Variants in GJA1 observed in about 807,000 individuals in gnomAD.
The protein encoded by GJA1 is gap junction protein alpha 1, also known as gap junction alpha-1 protein.
A neutral mutation model predicts 31.0 loss-of-function variants in GJA1; 9 were observed. The observed-to-expected ratio is 0.29, with a 90% CI of 0.17 to 0.51. The LOEUF is 0.51. Ranked by LOEUF, GJA1 falls within the 20% of genes least tolerant of loss-of-function variation. The pLI, the probability that GJA1 is intolerant of heterozygous loss-of-function variation, is 0.98. For synonymous variants in GJA1, 186 were observed against 180.1 expected, an observed-to-expected ratio of 1.03 and a Z score of -0.26; for missense variants, 278 against 468.8, an observed-to-expected ratio of 0.59 and a Z score of 3.76.
intron 1 of GJA1, among the ~76,000 whole-genome samples, chr6:121,440,645 CTTT>C (rs538330262): frequency 2.9e-5 from 4 of 137,368 alleles, no homozygotes; most frequent in South Asian, 2.4e-4. Flanking sequence ...AAAAAACAAA[CTTT>C]TTTTTTTTTT....
chr6:121,445,920 C>CA (rs1773881998), intron 1 of GJA1, among the ~76,000 whole-genome samples: 4 of 151,936 alleles, frequency 2.6e-5, no homozygotes, highest in African/African-American at 7.3e-5. Context: ...ATAGTGAAAT[C>CA]CTATCTCTAA....
Position 121,447,814 on chromosome 6 carries a change from G to A in GJA1, c.967G>A (p.Ala323Thr). 1 of 1,613,862 alleles carries A rather than the reference G, an allele frequency of 6.2e-7. No individual in the cohort carries two copies. Among genetic ancestry groups the A allele is most frequent in the Non-Finnish European group, 8.5e-7 (1 of 1,179,882 alleles). Residue 323 changes from alanine (A) to threonine (T), a missense_variant, in exon 2 of 2, where the codon GCG becomes ACG. Physicochemically the swap from Ala to Thr is moderately conservative, Grantham distance 58. This residue lies in a region of GJA1 where 172 missense variants were observed against 190.9 expected (regional missense o/e 0.90). Coordinates refer to ENST00000282561, the MANE Select transcript of GJA1 (RefSeq NM_000165.5). The part of the protein sequence containing the change: ...YSAEQNRMGQ[A>T]GSTISNSHAQ... The stretch of plus-strand genomic sequence containing the variant: ...TGCAGAACAAAATCGAATGGGGCAG[G>A]CGGGAAGCACCATCTCTAACTCCCA...
Position 121,447,551 on chromosome 6 carries a change from G to A in GJA1, c.704G>A (p.Gly235Asp), listed in dbSNP as rs1228798443. 6.2e-7 allele frequency: 1 copy of A among 1,613,924 alleles called. No individual in the cohort carries two copies. Residue 235 changes from glycine (G) to aspartate (D), a missense_variant, in exon 2 of 2, where the codon GGC (glycine) becomes GAC (aspartate). By Grantham distance (94) the Gly-to-Asp change is moderately conservative. Around this residue, in one of 3 missense-constraint regions of GJA1, gnomAD observed 172 missense variants for 190.9 expected, o/e 0.90. Coordinates refer to ENST00000282561, the MANE Select transcript of GJA1 (RefSeq NM_000165.5). The stretch of plus-strand genomic sequence containing the variant: ...GAACTCTTCTATGTTTTCTTCAAGG[G>A]CGTTAAGGATCGGGTTAAGGGAAAG... ...IIELFYVFFK[G>D]VKDRVKGKSD...
Position 121,448,584 on chromosome 6 carries a change from A to G in GJA1, c.*588A>G, listed in dbSNP as rs1438438900. The G allele has an allele frequency of 5.9e-6, 1 of 170,620 alleles. No homozygotes were observed. The highest frequency in any genetic ancestry group is 1.4e-5 in the Non-Finnish European group (1 of 70,200). The allele number at this position is 170,620 out of a possible 1,614,324, so 10.6% of individuals were successfully genotyped here. ...TTTTTATTCTTGGTATCAGTTTAAA[A>G]TTCAGACAAGGCCCACAGAATAAGA... is the stretch of plus-strand genomic sequence containing the variant. On this transcript the variant is annotated 3_prime_UTR_variant, in exon 2 of 2. Transcript: ENST00000282561.
intron 1 of GJA1, among the ~76,000 whole-genome samples, chr6:121,440,157 G>A (rs1028195799): frequency 6.6e-6 from 1 of 151,816 alleles, no homozygotes; most frequent in African/African-American, 2.4e-5. Context: ...GGTGCAATCG[G>A]AGTTAGAACA....
Position 121,447,742 on chromosome 6 carries a change from C to T in GJA1, c.895C>T (p.Arg299Cys), listed in dbSNP as rs748954821. 50 of 1,613,852 alleles carry T rather than the reference C, an allele frequency of 3.1e-5. No homozygotes were observed. The highest frequency in any genetic ancestry group is 1.6e-4 in the Middle Eastern group (1 of 6,084). The change falls in exon 2 of 2, where the codon CGC (arginine) becomes TGC (cysteine). Residue 299 changes from arginine (R) to cysteine (C), a missense_variant. Coordinates refer to ENST00000282561, the MANE Select transcript of GJA1 (RefSeq NM_000165.5). ...TGGCGACAGAAACAATTCTTCTTGCCGCAATTACAACAAGCAAGCAAGTGA... is the reference window on the plus strand; with the variant it reads ...TGGCGACAGAAACAATTCTTCTTGCTGCAATTACAACAAGCAAGCAAGTGA... Reference protein sequence around the residue: ...VTGDRNNSSCRNYNKQASEQN... With the variant: ...VTGDRNNSSCCNYNKQASEQN...
chr6:121,440,988 G>GCTGGAGTGCAGTGGC (rs1329818124), intron 1 of GJA1, among the ~76,000 whole-genome samples: 2 of 151,408 alleles, frequency 1.3e-5, no homozygotes, highest in East Asian at 3.9e-4. Flanking sequence ...TGTCGCCCAG[G>GCTGGAGTGCAGTGGC]CTGGAGTGCA....
intron 1 of GJA1, 94 bp from the exon 2 acceptor site, chr6:121,446,738 T>C: frequency 1.2e-6 from 1 of 853,078 alleles, no homozygotes; most frequent in Non-Finnish European, 2.0e-6. Context: ...CGTGAAACCG[T>C]TGGTAGTATT....
chr6:121,435,985 TTAAAA>T (rs1190158094), intron 1 of GJA1, among the ~76,000 whole-genome samples, 153 bp downstream of exon 1: 1 of 152,166 alleles, frequency 6.6e-6, no homozygotes, highest in Non-Finnish European at 1.5e-5. Context: ...AGTTTTAAAG[TTAAAA>T]TTTATTGTAC....
At chr6:121,439,022 G>T (rs1773718596) in intron 1 of GJA1, among the ~76,000 whole-genome samples, 1 of 151,924 alleles carries the variant, frequency 6.6e-6, no homozygotes, top group Admixed American at 6.6e-5. Context: ...CGTCAGCTGG[G>T]CATGATGGCT....
Position 121,448,029 on chromosome 6 carries a change from A to G in GJA1, c.*33A>G, listed in dbSNP as rs1221138083. 1.3e-6 allele frequency: 2 copies of G among 1,570,336 alleles called. No individual in the cohort carries two copies. The highest frequency in any genetic ancestry group is 1.3e-5 in the African/African-American group (1 of 74,240). ...CTTGAAAGCATCAAGATTCCACTCAATTGTGGAGAAGAAAAAAGGTGCTGT... is the reference window on the plus strand; with the variant it reads ...CTTGAAAGCATCAAGATTCCACTCAGTTGTGGAGAAGAAAAAAGGTGCTGT... On this transcript the variant is annotated 3_prime_UTR_variant, in exon 2 of 2. Transcript: ENST00000282561.
chr6:121,439,323 GAA>G (rs1184461402), intron 1 of GJA1, among the ~76,000 whole-genome samples: 1 of 152,026 alleles, frequency 6.6e-6, no homozygotes, highest in Non-Finnish European at 1.5e-5. Flanking sequence ...AATTCTCATT[GAA>G]AAAAATAGAC....
rs1172512044 is a variant in GJA1 at position 121,447,902 on chromosome 6, A to T, written c.1055A>T (p.Glu352Val). The change falls in exon 2 of 2, where the codon GAA (glutamate) becomes GTA (valine). Residue 352 changes from glutamate to valine, a missense_variant. By Grantham distance (121) the Glu-to-Val change is moderately radical. Coordinates refer to ENST00000282561, the MANE Select transcript of GJA1 (RefSeq NM_000165.5). ...QNSKKLAAGH[E>V]LQPLAIVDQR... The stretch of plus-strand genomic sequence containing the variant: ...TCTAAAAAACTAGCTGCTGGACATG[A>T]ATTACAGCCACTAGCCATTGTGGAC... 6.8e-6 allele frequency: 11 copies of T among 1,613,770 alleles called. No individual in the cohort carries two copies. The highest frequency in any genetic ancestry group is 9.3e-6 in the Non-Finnish European group (11 of 1,179,854).
At chr6:121,443,705 C>T (rs2114278456) in intron 1 of GJA1, among the ~76,000 whole-genome samples, 1 of 152,276 alleles carries the variant, frequency 6.6e-6, no homozygotes, top group East Asian at 1.9e-4. Flanking sequence ...TCTACACAAT[C>T]ATATTTTACT....
At chr6:121,443,535 T>C (rs188335794) in intron 1 of GJA1, among the ~76,000 whole-genome samples, 1 of 152,228 alleles carries the variant, frequency 6.6e-6, no homozygotes, top group African/African-American at 2.4e-5. Flanking sequence ...GTTCACATAC[T>C]ATGGAACTGT....
chr6:121,436,790 A>G (rs1317904415), intron 1 of GJA1, among the ~76,000 whole-genome samples: 2 of 152,188 alleles, frequency 1.3e-5, no homozygotes, highest in African/African-American at 4.8e-5. Context: ...TCGAACCTGT[A>G]ACAGAATTCA....
In GJA1 at chr6:121,447,822, C is replaced by T; in HGVS notation, c.975C>T (p.Ser325=). Residue 325 remains serine (S), a synonymous_variant, in exon 2 of 2, where the codon AGC becomes AGT. Coordinates refer to ENST00000282561, the MANE Select transcript of GJA1 (RefSeq NM_000165.5). ...AAAATCGAATGGGGCAGGCGGGAAG[C>T]ACCATCTCTAACTCCCATGCACAGC... ...AEQNRMGQAG[S]TISNSHAQPF... is the part of the protein sequence containing the mutation. 1 of 1,613,872 alleles carries T rather than the reference C, an allele frequency of 6.2e-7. No individual in the cohort carries two copies. The highest frequency in any genetic ancestry group is 1.3e-5 in the African/African-American group (1 of 74,996).
At chr6:121,445,075 TA>T (rs1773863453) in intron 1 of GJA1, among the ~76,000 whole-genome samples, 1 of 152,230 alleles carries the variant, frequency 6.6e-6, no homozygotes, top group African/African-American at 2.4e-5. Context: ...CCTCAATTTT[TA>T]TCAGCTAAAT....
intron 1 of GJA1, among the ~76,000 whole-genome samples, chr6:121,445,045 ACCCTGAGAAC>A (rs1321222289): frequency 6.6e-6 from 1 of 152,316 alleles, no homozygotes; most frequent in East Asian, 1.9e-4. Context: ...TATTTCCTAT[ACCCTGAGAAC>A]CTCTGAGAAC....
Sources: allele counts gnomAD v4.1 joint callset (sites outside exome capture counted in the v4.1 genomes callset), GRCh38; gene constraint gnomAD v4.1.1; regional missense constraint gnomAD v4.1.1; transcripts MANE v1.5; gene names NCBI Gene and HGNC (gene_info 2026-07-23, HGNC 2026-07-21).